Variants in NRXN3 observed in about 807,000 individuals in gnomAD.
NRXN3 encodes the protein neurexin 3.
In NRXN3, 32 loss-of-function variants were observed where a neutral mutation model predicts 137.6. The observed-to-expected ratio is 0.23, with a 90% CI of 0.18 to 0.31. The LOEUF is 0.31. NRXN3 is among the 10% of genes least tolerant of loss of function. The pLI, the probability that NRXN3 is intolerant of heterozygous loss-of-function variation, is 1.00. For synonymous variants in NRXN3, 798 were observed against 784.5 expected, an observed-to-expected ratio of 1.02 and a Z score of -0.29; for missense variants, 1,574 against 2,062.5, an observed-to-expected ratio of 0.76 and a Z score of 4.59.
intron 6 of NRXN3, among the ~76,000 whole-genome samples, chr14:78,705,672 T>C (rs576470920): frequency 1.1e-3 from 168 of 152,312 alleles, no homozygotes; most frequent in African/African-American, 3.9e-3. Flanking sequence ...CCCTGTGAGC[T>C]GGGAAAGAGG....
chr14:78,469,392 G>A (rs998514208), intron 4 of NRXN3, among the ~76,000 whole-genome samples: 5 of 152,318 alleles, frequency 3.3e-5, no homozygotes, highest in Middle Eastern at 3.4e-3. Context: ...TATATGTGAT[G>A]TAATGTAATG....
intron 16 of NRXN3, among the ~76,000 whole-genome samples, chr14:79,508,170 C>T (rs181617123): frequency 1.3e-5 from 2 of 152,036 alleles, no homozygotes; most frequent in East Asian, 3.9e-4. Flanking sequence ...CTAATAATAC[C>T]TCATGCATAT....
chr14:78,881,984 C>T (rs1311995312), intron 10 of NRXN3, among the ~76,000 whole-genome samples: 1 of 151,652 alleles, frequency 6.6e-6, no homozygotes, highest in Non-Finnish European at 1.5e-5. Flanking sequence ...ACTTGAGTCC[C>T]AGCTGCTCCA....
chr14:78,893,346 C>A (rs1168991238), intron 10 of NRXN3, among the ~76,000 whole-genome samples: 9 of 151,958 alleles, frequency 5.9e-5, no homozygotes, highest in Non-Finnish European at 1.2e-4. Context: ...TTTAGTCAAT[C>A]TTTGGTTCAG....
At chr14:79,372,826 G>A (rs898667807) in intron 15 of NRXN3, among the ~76,000 whole-genome samples, 1 of 152,034 alleles carries the variant, frequency 6.6e-6, no homozygotes, top group South Asian at 2.1e-4. Flanking sequence ...TCGTTTCAAA[G>A]CATACACTGC....
intron 20 of NRXN3, among the ~76,000 whole-genome samples, chr14:79,849,538 A>G (rs2099387315): frequency 6.6e-6 from 1 of 152,192 alleles, no homozygotes; most frequent in South Asian, 2.1e-4. Flanking sequence ...GGACATGCCA[A>G]TAAAAATCAC....
At chr14:78,440,430 CCCTT>C (rs1165457996) in intron 4 of NRXN3, among the ~76,000 whole-genome samples, 7 of 134,650 alleles carry the variant, frequency 5.2e-5, no homozygotes, top group African/African-American at 2.1e-4. Context: ...TATAAATACT[CCCTT>C]CCTTGAGATG....
intron 15 of NRXN3, among the ~76,000 whole-genome samples, chr14:79,036,238 A>T (rs993745575): frequency 1.8e-4 from 28 of 152,010 alleles, no homozygotes; most frequent in African/African-American, 6.0e-4. Context: ...TTATAACACA[A>T]TTTCAAAGCA....
intron 16 of NRXN3, among the ~76,000 whole-genome samples, chr14:79,629,345 T>C (rs1480692787): frequency 6.6e-6 from 1 of 152,230 alleles, no homozygotes; most frequent in Non-Finnish European, 1.5e-5. Context: ...TTATAGCATT[T>C]ACAATGCTCA....
At chr14:78,409,725 A>T (rs938277507) in intron 4 of NRXN3, among the ~76,000 whole-genome samples, 17 of 152,348 alleles carry the variant, frequency 1.1e-4, no homozygotes, top group African/African-American at 4.1e-4. Context: ...TAAGGAGCTT[A>T]TTGAAAAGAT....
intron 16 of NRXN3, among the ~76,000 whole-genome samples, chr14:79,530,564 GT>G (rs1217062272): frequency 2.0e-5 from 3 of 147,042 alleles, no homozygotes; most frequent in Non-Finnish European, 4.5e-5. Context: ...TGCTCTCTCT[GT>G]TTGGATTTGA....
intron 16 of NRXN3, among the ~76,000 whole-genome samples, chr14:79,582,935 C>T (rs753398127): frequency 1.4e-4 from 22 of 152,146 alleles, no homozygotes; most frequent in Non-Finnish European, 2.9e-4. Flanking sequence ...TGATAGTAAA[C>T]GTCCTGACAA....
chr14:79,776,065 G>T (rs1448045238), intron 19 of NRXN3, among the ~76,000 whole-genome samples: 1 of 152,128 alleles, frequency 6.6e-6, no homozygotes, highest in Non-Finnish European at 1.5e-5. Context: ...TAGAAATATG[G>T]GGTGGGAGTA....
At chr14:78,673,851 A>C (rs2097965392) in intron 6 of NRXN3, among the ~76,000 whole-genome samples, 1 of 152,192 alleles carries the variant, frequency 6.6e-6, no homozygotes, top group Non-Finnish European at 1.5e-5. Flanking sequence ...AAATGTGAAC[A>C]TTCAGTCCAT....
intron 4 of NRXN3, among the ~76,000 whole-genome samples, chr14:78,454,547 T>A (rs541782929): frequency 1.3e-5 from 2 of 152,226 alleles, no homozygotes; most frequent in African/African-American, 4.8e-5. Flanking sequence ...GTTTGAGAAC[T>A]GCTGTCTCTC....
At chr14:78,853,336 T>G (rs1286773284) in intron 10 of NRXN3, among the ~76,000 whole-genome samples, 1 of 152,132 alleles carries the variant, frequency 6.6e-6, no homozygotes, top group African/African-American at 2.4e-5. Flanking sequence ...TTTGTCCTTG[T>G]GATAGTTTAC....
intron 15 of NRXN3, among the ~76,000 whole-genome samples, chr14:79,299,597 CT>C (rs2084794860): frequency 6.6e-6 from 1 of 152,054 alleles, no homozygotes; most frequent in African/African-American, 2.4e-5. Context: ...ATTATAAAAC[CT>C]ATATGGCACA....
At chr14:78,496,130 A>T (rs1477254867) in intron 4 of NRXN3, among the ~76,000 whole-genome samples, 2 of 152,200 alleles carry the variant, frequency 1.3e-5, no homozygotes, top group Non-Finnish European at 2.9e-5. Context: ...GGCATTGCTT[A>T]TGTATTTAAT....
intron 19 of NRXN3, among the ~76,000 whole-genome samples, chr14:79,782,034 A>G (rs1486946332): frequency 6.6e-6 from 1 of 152,142 alleles, no homozygotes; most frequent in Non-Finnish European, 1.5e-5. Flanking sequence ...ATTCATAACC[A>G]CTAGTAGCTG....
Sources: allele counts gnomAD v4.1 joint callset (sites outside exome capture counted in the v4.1 genomes callset), GRCh38; gene constraint gnomAD v4.1.1; transcripts MANE v1.5; gene names NCBI Gene and HGNC (gene_info 2026-07-23, HGNC 2026-07-21).